The following LCOR variants were observed in gnomAD, a reference collection of about 807,000 sequenced individuals.
The protein encoded by LCOR is ligand dependent nuclear receptor corepressor.
LCOR carries 14 observed loss-of-function variants against 64.4 expected under a neutral mutation model. The ratio of observed to expected loss-of-function variants is 0.22; its 90% CI spans 0.14 to 0.34. The LOEUF is 0.34. Among genes scored for constraint, LCOR ranks in the 10% least tolerant of loss-of-function variants. The probability of loss-of-function intolerance (pLI) is 1.00; values close to 1 mark genes in which losing one functional copy is unlikely to be tolerated. For synonymous variants in LCOR, 643 were observed against 642.5 expected, an observed-to-expected ratio of 1.00 and a Z score of -0.01; for missense variants, 1,686 against 1,765.3, an observed-to-expected ratio of 0.96 and a Z score of 0.80.
intron 7 of LCOR, chr10:96,960,214 C>T (rs901610267): frequency 6.6e-6 from 1 of 152,334 alleles, no homozygotes; most frequent in Admixed American, 6.5e-5. Flanking sequence ...CCCCCTACCC[C>T]CAAGTAAGCA....
chr10:96,886,931 G>T (rs1239458757), intron 2 of LCOR, among the ~76,000 whole-genome samples: 2 of 152,158 alleles, frequency 1.3e-5, no homozygotes, highest in African/African-American at 4.8e-5. Context: ...GTAACTATTA[G>T]TTGTAACTTT....
At chr10:96,872,519 CCT>C (rs570902294) in intron 2 of LCOR, among the ~76,000 whole-genome samples, 149 of 152,168 alleles carry the variant, frequency 9.8e-4, no homozygotes, top group Non-Finnish European at 1.7e-3. Context: ...ATGGTGGAAC[CCT>C]CTCTCTACAA....
chr10:96,957,359 A>G (rs1589682634), intron 7 of LCOR: 1 of 985,068 alleles, frequency 1.0e-6, no homozygotes, highest in South Asian at 4.7e-5. Flanking sequence ...TTTTTCTGAG[A>G]TGGGCTTTTA....
chr10:96,832,421 C>CGCCGCCCCTCCG (rs946612001), intron 1 of LCOR, 22 bp downstream of exon 1: 2 of 940,894 alleles, frequency 2.1e-6, no homozygotes, highest in African/African-American at 1.8e-5. Context: ...CGCCGACCGC[C>CGCCGCCCCTCCG]GCCGCCCCTC....
intron 7 of LCOR, among the ~76,000 whole-genome samples, chr10:96,978,765 A>C (rs1411713682): frequency 6.6e-6 from 1 of 152,246 alleles, no homozygotes; most frequent in Non-Finnish European, 1.5e-5. Context: ...TTTTGTATTT[A>C]GACATGTTCA....
chr10:96,902,700 C>T (rs933750178), intron 2 of LCOR, among the ~76,000 whole-genome samples: 3 of 152,162 alleles, frequency 2.0e-5, no homozygotes, highest in South Asian at 2.1e-4. Flanking sequence ...GGCATCAAGT[C>T]ACACATCCTG....
At chr10:96,922,005 C>G (rs1404869010) in intron 4 of LCOR, among the ~76,000 whole-genome samples, 3 of 152,152 alleles carry the variant, frequency 2.0e-5, no homozygotes, top group Non-Finnish European at 4.4e-5. Flanking sequence ...CAGGAGGTGT[C>G]AAACCCAGAA....
intron 4 of LCOR, among the ~76,000 whole-genome samples, chr10:96,910,319 A>G (rs754232836): frequency 6.6e-6 from 1 of 152,182 alleles, no homozygotes; most frequent in Non-Finnish European, 1.5e-5. Flanking sequence ...AATAGAAATA[A>G]TTTTTCCATT....
intron 2 of LCOR, among the ~76,000 whole-genome samples, chr10:96,889,423 G>A (rs554383580): frequency 3.9e-5 from 6 of 152,164 alleles, no homozygotes; most frequent in Non-Finnish European, 7.3e-5. Context: ...ATCAAGGTCC[G>A]GCAGTGTTGG....
intron 2 of LCOR, among the ~76,000 whole-genome samples, chr10:96,841,429 C>T (rs930078908): frequency 6.0e-5 from 9 of 148,896 alleles, no homozygotes; most frequent in African/African-American, 2.2e-4. Context: ...GGCACAATCT[C>T]GGCCCACTGC....
intron 2 of LCOR, among the ~76,000 whole-genome samples, chr10:96,872,490 C>T (rs769855166): frequency 3.3e-5 from 5 of 152,078 alleles, no homozygotes; most frequent in African/African-American, 4.8e-5. Flanking sequence ...ATCAGAAGTT[C>T]GACACCAGCC....
intron 2 of LCOR, among the ~76,000 whole-genome samples, chr10:96,886,719 T>G (rs1423024179): frequency 6.6e-6 from 1 of 152,230 alleles, no homozygotes; most frequent in African/African-American, 2.4e-5. Context: ...TGTCTAATCT[T>G]TAATGCCATC....
chr10:96,937,513 T>A (rs1847371656), intron 4 of LCOR, among the ~76,000 whole-genome samples: 1 of 152,142 alleles, frequency 6.6e-6, no homozygotes, highest in Non-Finnish European at 1.5e-5. Context: ...GGTATATATA[T>A]TTTTTCTTTC....
At chr10:96,955,236 C>A in intron 7 of LCOR, 1 of 1,614,116 alleles carries the variant, frequency 6.2e-7, no homozygotes, top group South Asian at 1.1e-5. Context: ...CAACCTCAGC[C>A]GTATGAAGTT....
intron 7 of LCOR, chr10:96,956,697 A>G (rs897468080): frequency 2.0e-6 from 2 of 985,898 alleles, no homozygotes; most frequent in Non-Finnish European, 1.2e-6. Flanking sequence ...TGGTCTCACC[A>G]ACAAGTGAGG....
chr10:96,864,178 C>T (rs555172927), intron 2 of LCOR, among the ~76,000 whole-genome samples: 3 of 152,126 alleles, frequency 2.0e-5, no homozygotes, highest in Admixed American at 2.0e-4. Context: ...AATAAATGTG[C>T]CCAACTAAGA....
Position 96,897,883 on chromosome 10 carries a change from T to G in LCOR, c.-329-9382T>G, listed in dbSNP as rs575697356. 5.9e-4 allele frequency among the ~76,000 whole-genome samples: 89 copies of G among 151,202 alleles called. 2 individuals carry two copies. Among genetic ancestry groups the G allele is most frequent in the African/African-American group, 2.0e-3 (81 of 41,392 alleles). On this transcript the variant is annotated intron_variant, in intron 2 of 7. Transcript: ENST00000421806. ...AAAGCCATCTTTTTTTTTTTTTTTT[T>G]TTTGTTTGGTCAGATATCTGTTACC...
At chr10:96,854,632 CTTCATA>C (rs1298090753) in intron 2 of LCOR, among the ~76,000 whole-genome samples, 1 of 152,110 alleles carries the variant, frequency 6.6e-6, no homozygotes, top group Admixed American at 6.6e-5. Flanking sequence ...TGGCCCATTT[CTTCATA>C]TTCATGTCAG....
intron 2 of LCOR, among the ~76,000 whole-genome samples, chr10:96,845,619 C>T (rs915668982): frequency 2.6e-5 from 4 of 151,194 alleles, no homozygotes; most frequent in African/African-American, 9.7e-5. Context: ...AGGTGCTCGC[C>T]ACCTCGCCCG....
Sources: allele counts gnomAD v4.1 joint callset (sites outside exome capture counted in the v4.1 genomes callset), GRCh38; gene constraint gnomAD v4.1.1; transcripts MANE v1.5; gene names NCBI Gene and HGNC (gene_info 2026-07-23, HGNC 2026-07-21).